DENND1B: variants seen among roughly 807,000 people sequenced by gnomAD.
DENND1B encodes the protein DENN domain-containing protein 1B.
DENND1B carries 59 observed loss-of-function variants against 90.1 expected under a neutral mutation model. That is an observed-to-expected ratio of 0.65 (90% CI 0.53 to 0.81). DENND1B has a LOEUF of 0.81. Among genes scored for constraint, DENND1B ranks in the 40% least tolerant of loss-of-function variants. The pLI, the probability that DENND1B is intolerant of heterozygous loss-of-function variation, is 0.00. For synonymous variants in DENND1B, 337 were observed against 324.6 expected (o/e 1.04, Z -0.41); for missense variants, 862 against 912.6 (o/e 0.94, Z 0.71).
upstream of DENND1B, among the ~76,000 whole-genome samples, chr1:197,778,901 T>C (rs1294584272): frequency 1.3e-5 from 2 of 152,148 alleles, no homozygotes; most frequent in East Asian, 1.9e-4. Context: ...GAAATTTTAA[T>C]AGGTACATTT....
intron 3 of DENND1B, among the ~76,000 whole-genome samples, chr1:197,684,270 T>C (rs943909125): frequency 1.5e-4 from 23 of 152,092 alleles, no homozygotes; most frequent in Non-Finnish European, 2.9e-4. Context: ...AAAAATTAAA[T>C]AGAGCGACTG....
chr1:197,607,014 T>C, intron 13 of DENND1B, 59 bp downstream of exon 13: 2 of 1,262,334 alleles, frequency 1.6e-6, no homozygotes, highest in African/African-American at 1.5e-5. Flanking sequence ...AATAACTTAG[T>C]AATTCAGAGG....
chr1:197,541,858 C>G (rs558397796), intron 18 of DENND1B, among the ~76,000 whole-genome samples: 1 of 152,306 alleles, frequency 6.6e-6, no homozygotes, highest in South Asian at 2.1e-4. Context: ...CTCAGGGAGA[C>G]TGTAATCTAG....
At chr1:197,604,091 T>A (rs1028524160) in intron 13 of DENND1B, among the ~76,000 whole-genome samples, 19 of 151,266 alleles carry the variant, frequency 1.3e-4, no homozygotes, top group Non-Finnish European at 2.5e-4. Flanking sequence ...CACAATATAT[T>A]AATAGACAAA....
chr1:197,653,165 T>A (rs1653425305), intron 6 of DENND1B, among the ~76,000 whole-genome samples: 1 of 152,022 alleles, frequency 6.6e-6, no homozygotes, highest in Non-Finnish European at 1.5e-5. Context: ...AAAGTATTCA[T>A]TCAAAACTAC....
intron 3 of DENND1B, among the ~76,000 whole-genome samples, chr1:197,707,633 A>G (rs910092978): frequency 4.8e-5 from 7 of 147,074 alleles, no homozygotes; most frequent in Non-Finnish European, 1.0e-4. Context: ...TATAATACAT[A>G]TATTATATAA....
chr1:197,754,659 C>CAAAAAAAAAAAAAAAAAAAAA (rs57926782), intron 2 of DENND1B, among the ~76,000 whole-genome samples: 2 of 72,880 alleles, frequency 2.7e-5, no homozygotes, highest in African/African-American at 5.5e-5. Flanking sequence ...GACTCTGTCT[C>CAAAAAAAAAAAAAAAAAAAAA]AAAAAAAAAA....
At chr1:197,552,387 A>C (rs1418051395) in intron 16 of DENND1B, 1 of 985,416 alleles carries the variant, frequency 1.0e-6, no homozygotes, top group Non-Finnish European at 1.2e-6. Flanking sequence ...GCAAGTCAAG[A>C]CTATACACCA....
At chr1:197,765,469 AATT>A (rs1655592041) in intron 2 of DENND1B, among the ~76,000 whole-genome samples, 1 of 152,210 alleles carries the variant, frequency 6.6e-6, no homozygotes, top group Admixed American at 6.5e-5. Flanking sequence ...GTACACAGTA[AATT>A]ATTATCCCCT....
intron 15 of DENND1B, among the ~76,000 whole-genome samples, chr1:197,574,624 G>A (rs1361145292): frequency 3.9e-5 from 6 of 152,058 alleles, no homozygotes; most frequent in Admixed American, 6.6e-5. Flanking sequence ...AAAAGAGCGC[G>A]CATTGCCAAG....
At chr1:197,715,127 G>A (rs1305811825) in intron 2 of DENND1B, 53 bp from the exon 3 acceptor site, 1 of 1,491,820 alleles carries the variant, frequency 6.7e-7, no homozygotes, top group African/African-American at 1.4e-5. Flanking sequence ...CACATTTAAA[G>A]GAACAGTCTT....
chr1:197,577,728 C>G (rs1278983318), intron 15 of DENND1B, among the ~76,000 whole-genome samples: 1 of 152,152 alleles, frequency 6.6e-6, no homozygotes, highest in Non-Finnish European at 1.5e-5. Flanking sequence ...ATTTAAGGAA[C>G]TGTTTCTGGG....
At chr1:197,743,672 G>C (rs936244021) in intron 2 of DENND1B, among the ~76,000 whole-genome samples, 1 of 152,164 alleles carries the variant, frequency 6.6e-6, no homozygotes, top group Non-Finnish European at 1.5e-5. Context: ...ATCCACAGTA[G>C]AACATCTTTC....
At chr1:197,778,036 T>C (rs1335548579), upstream of DENND1B, among the ~76,000 whole-genome samples, 1 of 152,140 alleles carries the variant, frequency 6.6e-6, no homozygotes, top group East Asian at 1.9e-4. Context: ...ATTTTTCTAT[T>C]TCAGCCTATA....
intron 10 of DENND1B, among the ~76,000 whole-genome samples, chr1:197,629,922 A>C (rs1399974922): frequency 6.6e-6 from 1 of 152,086 alleles, no homozygotes; most frequent in African/African-American, 2.4e-5. Context: ...CTCAGCAAAG[A>C]TATACAAATG....
intron 11 of DENND1B, among the ~76,000 whole-genome samples, chr1:197,613,649 C>T (rs978648545): frequency 1.3e-5 from 2 of 150,928 alleles, no homozygotes; most frequent in Admixed American, 6.6e-5. Flanking sequence ...GAGAAGAAGA[C>T]ATAAAATGCA....
intron 2 of DENND1B, chr1:197,735,301 T>A: frequency 8.1e-7 from 1 of 1,228,982 alleles, no homozygotes; most frequent in South Asian, 1.7e-5. Context: ...TTTATTCTAC[T>A]ATACCTCTGC....
chr1:197,607,410 A>T (rs16841810), intron 12 of DENND1B, among the ~76,000 whole-genome samples: 2,800 of 151,014 alleles, frequency 0.019, 82 homozygotes, highest in African/African-American at 0.063. Flanking sequence ...TCTTATATTA[A>T]ACATAACTAC....
At chr1:197,513,094 A>C in intron 20 of DENND1B, 141 bp from the exon 21 acceptor site, 1 of 620,418 alleles carries the variant, frequency 1.6e-6, no homozygotes, top group Non-Finnish European at 2.7e-6. Flanking sequence ...TTATCCAATA[A>C]CTTGACAAAC....
Sources: allele counts gnomAD v4.1 joint callset (sites outside exome capture counted in the v4.1 genomes callset), GRCh38; gene constraint gnomAD v4.1.1; transcripts MANE v1.5; gene names NCBI Gene and HGNC (gene_info 2026-07-23, HGNC 2026-07-21).